Variants in SV2B observed in about 807,000 individuals in gnomAD.
SV2B encodes the protein solute carrier family 22 member B2.
In SV2B, 41 loss-of-function variants were observed where a neutral mutation model predicts 73.9. The observed-to-expected ratio is 0.56, with a 90% CI of 0.43 to 0.72. The LOEUF is 0.72. SV2B is among the 30% of genes least tolerant of loss of function. SV2B has a pLI of 0.00. For synonymous variants in SV2B, 314 were observed against 314.2 expected, an observed-to-expected ratio of 1.00 and a Z score of 0.01; for missense variants, 764 against 857.8, an observed-to-expected ratio of 0.89 and a Z score of 1.37.
chr15:91,138,050 T>G (rs1160278443), intron 1 of SV2B, among the ~76,000 whole-genome samples: 1 of 152,174 alleles, frequency 6.6e-6, no homozygotes, highest in African/African-American at 2.4e-5. Flanking sequence ...AGTGTTAACA[T>G]CACATGAAGA....
At chr15:91,225,838 G>A (rs1302504001) in intron 1 of SV2B, 35 bp from the exon 2 acceptor site, 1 of 173,470 alleles carries the variant, frequency 5.8e-6, no homozygotes, top group East Asian at 1.8e-4. Context: ...TTCAACCTTT[G>A]TAAATTCTTC....
Position 91,290,663 on chromosome 15 carries a change from C to A in SV2B, c.1868+983C>A, listed in dbSNP as rs2049010892. Among the ~76,000 whole-genome samples the A allele has an allele frequency of 6.6e-6, 1 of 152,064 alleles. No individual in the cohort carries two copies. Among genetic ancestry groups the A allele is most frequent in the Non-Finnish European group, 1.5e-5 (1 of 68,026 alleles). ...CAGACGTCATAAAATAATTAGGGAT[C>A]AACTTGACAAGTGAAACACTCAAAT... On this transcript the variant is annotated intron_variant, in intron 12 of 12. Coordinates refer to ENST00000394232, the MANE Select transcript of SV2B (RefSeq NM_001323032.3). The surrounding 1 kb of genome is among the most constrained non-coding windows in gnomAD (Gnocchi z 4.7).
At chr15:91,134,661 G>T (rs2042763394) in intron 1 of SV2B, among the ~76,000 whole-genome samples, 1 of 152,204 alleles carries the variant, frequency 6.6e-6, no homozygotes, top group Non-Finnish European at 1.5e-5. Flanking sequence ...TTTTTCATCA[G>T]TTAAACTGAC....
At chr15:91,167,340 C>T (rs1043513972) in intron 1 of SV2B, among the ~76,000 whole-genome samples, 1 of 152,022 alleles carries the variant, frequency 6.6e-6, no homozygotes, top group Non-Finnish European at 1.5e-5. Context: ...TTTCTCATTA[C>T]TGATGTAACA....
intron 1 of SV2B, among the ~76,000 whole-genome samples, chr15:91,143,672 G>A (rs998853716): frequency 1.3e-5 from 2 of 151,368 alleles, no homozygotes; most frequent in Non-Finnish European, 3.0e-5. Context: ...ACTGTTGTTG[G>A]GTGCAGACCC....
In SV2B at chr15:91,225,994, T is replaced by G. The variant is rs1052731188; in HGVS notation, c.-270T>G. ...TCAACACTTCCCAACGCAACACTTC[T>G]GAGTCTCTGAAGGAGACCAGAGCTT... On this transcript the variant is annotated 5_prime_UTR_variant, in exon 2 of 13. Coordinates refer to ENST00000394232, the MANE Select transcript of SV2B (RefSeq NM_001323032.3). 9.3e-5 allele frequency: 44 copies of G among 471,992 alleles called. No homozygotes were observed. The highest frequency in any genetic ancestry group is 1.6e-4 in the Non-Finnish European group (43 of 265,574). The allele number at this position is 471,992 out of a possible 1,614,324, so 29.2% of individuals were successfully genotyped here. A position where few individuals can be genotyped will look rare whatever the true frequency, so the allele number is the denominator to read the frequency against.
At chr15:91,285,567 T>C (rs11857831) in intron 11 of SV2B, among the ~76,000 whole-genome samples, 4,549 of 152,322 alleles carry the variant, frequency 0.03, 239 homozygotes, top group African/African-American at 0.1. Flanking sequence ...GGTGGCTCCG[T>C]CTCTGCCAAG....
At chr15:91,157,588 T>C (rs1173771325) in intron 1 of SV2B, among the ~76,000 whole-genome samples, 1 of 152,248 alleles carries the variant, frequency 6.6e-6, no homozygotes, top group Non-Finnish European at 1.5e-5. Context: ...TTGCACATTC[T>C]AAGTCATTTA....
intron 1 of SV2B, among the ~76,000 whole-genome samples, chr15:91,103,347 TC>T (rs1467121822): frequency 1.3e-5 from 2 of 152,074 alleles, no homozygotes; most frequent in African/African-American, 2.4e-5. Context: ...TTGTTTCCTT[TC>T]CCCCACACTA....
rs112956953 is a variant in SV2B at position 91,201,863 on chromosome 15, T to C, written c.-391-24010T>C. Among the ~76,000 whole-genome samples, 1,447 of 152,228 alleles carry C rather than the reference T, an allele frequency of 9.5e-3. 27 individuals are homozygous for C. The highest frequency in any genetic ancestry group is 0.033 in the African/African-American group (1,372 of 41,546). On this transcript the variant is annotated intron_variant, in intron 1 of 12. Coordinates refer to ENST00000394232, the MANE Select transcript of SV2B (RefSeq NM_001323032.3). ...CTGGGTTATAACAAGAGACTCCTAT[T>C]TGGGCTCCCTGCCTCTTTCCTTGTG...
At chr15:91,292,017 C>T (rs191977525) in intron 12 of SV2B, among the ~76,000 whole-genome samples, 16 of 152,060 alleles carry the variant, frequency 1.1e-4, no homozygotes, top group Non-Finnish European at 1.9e-4. Flanking sequence ...ACACTTTCTG[C>T]TTTGTATACT....
chr15:91,216,737 C>G (rs975172362), intron 1 of SV2B, among the ~76,000 whole-genome samples: 2 of 151,224 alleles, frequency 1.3e-5, no homozygotes, highest in Non-Finnish European at 2.9e-5. Context: ...TCCCAAAGTG[C>G]TAGCCACTGT....
chr15:91,251,268 A>G (rs563247127), intron 2 of SV2B, among the ~76,000 whole-genome samples: 1 of 152,362 alleles, frequency 6.6e-6, no homozygotes, highest in African/African-American at 2.4e-5. Flanking sequence ...ATGAAACTGG[A>G]CCCTTATCTC....
At chr15:91,117,110 G>A (rs1417211560) in intron 1 of SV2B, among the ~76,000 whole-genome samples, 3 of 152,202 alleles carry the variant, frequency 2.0e-5, no homozygotes, top group Non-Finnish European at 2.9e-5. Context: ...GTCTGTACCA[G>A]TATGCAGACT....
In SV2B at chr15:91,115,926, T is replaced by G. The variant is rs2042165608; in HGVS notation, c.-392+15563T>G. 6.6e-6 allele frequency among the ~76,000 whole-genome samples: 1 copy of G among 152,156 alleles called. No individual in the cohort carries two copies. The highest frequency in any genetic ancestry group is 1.5e-5 in the Non-Finnish European group (1 of 68,036). The stretch of plus-strand genomic sequence containing the variant: ...CCTCAGGGTGTATAGTGTAGAAGTT[T>G]GTAAAGAAGCTTTGTTTCACATACA... On this transcript the variant is annotated intron_variant, in intron 1 of 12. Transcript: ENST00000394232. This position sits in a 1 kb window ranked among gnomAD's most constrained non-coding sequence, Gnocchi z 4.3.
intron 1 of SV2B, among the ~76,000 whole-genome samples, chr15:91,174,000 A>T (rs1024740274): frequency 2.0e-5 from 3 of 152,206 alleles, no homozygotes; most frequent in Non-Finnish European, 4.4e-5. Context: ...CAAGCCAGCC[A>T]GTGTCTATGT....
chr15:91,152,609 G>T (rs899808978), intron 1 of SV2B, among the ~76,000 whole-genome samples: 2 of 152,148 alleles, frequency 1.3e-5, no homozygotes, highest in Non-Finnish European at 2.9e-5. Context: ...CCATAGGAAA[G>T]AAATTAAATG....
rs981049328 is a variant in SV2B, at chr15:91,229,883, G to A, written c.451+3169G>A. Among the ~76,000 whole-genome samples, 1 of 152,180 alleles carries A rather than the reference G, an allele frequency of 6.6e-6. No homozygotes were observed. Among genetic ancestry groups the A allele is most frequent in the East Asian group, 1.9e-4 (1 of 5,190 alleles). On this transcript the variant is annotated intron_variant, in intron 2 of 12. Coordinates refer to ENST00000394232, the MANE Select transcript of SV2B (RefSeq NM_001323032.3). The surrounding 1 kb of genome is among the most constrained non-coding windows in gnomAD (Gnocchi z 4.3). ...GCTATCCTGCCTCAGCTGGCGAAAA[G>A]GCTGTTTATGTTTGAGTGCTGCTAA...
intron 1 of SV2B, among the ~76,000 whole-genome samples, chr15:91,149,970 T>C (rs1376234848): frequency 6.6e-6 from 1 of 152,142 alleles, no homozygotes; most frequent in African/African-American, 2.4e-5. Flanking sequence ...CCCTCTGATA[T>C]CCTCTCTTTC....
Sources: gnomAD v4.1 joint callset for allele counts (sites outside exome capture counted in the v4.1 genomes callset) on GRCh38, gnomAD v4.1.1 for gene constraint, Gnocchi (gnomAD v3.1) non-coding constraint, MANE v1.5 for transcripts, NCBI Gene and HGNC (gene_info 2026-07-23, HGNC 2026-07-21) for gene names.